The following KLHL32 variants were observed in gnomAD, a reference collection of about 807,000 sequenced individuals.
KLHL32 encodes kelch-like protein 32.
Under a neutral mutation model 64.8 loss-of-function variants are expected in KLHL32, and 35 were observed. The ratio of observed to expected loss-of-function variants is 0.54; its 90% CI spans 0.41 to 0.72. KLHL32 has a LOEUF of 0.72. KLHL32 is among the 30% of genes least tolerant of loss of function. The probability of loss-of-function intolerance (pLI) is 0.00; values close to 1 mark genes in which losing one functional copy is unlikely to be tolerated. For missense variants in KLHL32, 589 were observed against 768.5 expected, an observed-to-expected ratio of 0.77 and a Z score of 2.76; for synonymous variants, 259 against 281.0, an observed-to-expected ratio of 0.92 and a Z score of 0.78.
At chr6:97,058,978 A>G (rs1228248716) in intron 4 of KLHL32, among the ~76,000 whole-genome samples, 1 of 152,210 alleles carries the variant, frequency 6.6e-6, no homozygotes, top group Non-Finnish European at 1.5e-5. Flanking sequence ...AGACATCATT[A>G]TTTTCACTGT....
rs147506792 is a variant in KLHL32, at chr6:97,030,344, C to T, written c.205-11148C>T. On this transcript the variant is annotated intron_variant, in intron 3 of 10. Coordinates refer to ENST00000369261, the MANE Select transcript of KLHL32 (RefSeq NM_052904.4). ...TGACAAGTAACATGACTCAAGAAAA[C>T]GTCACATACTGTGATTTTAGGACTC... Among the ~76,000 whole-genome samples, 341 of 152,288 alleles carry T rather than the reference C, an allele frequency of 2.2e-3. 1 individual carries two copies. Among genetic ancestry groups the T allele is most frequent in the African/African-American group, 7.7e-3 (322 of 41,560 alleles).
At chr6:97,089,778 T>A (rs1342558387) in intron 6 of KLHL32, among the ~76,000 whole-genome samples, 3 of 136,284 alleles carry the variant, frequency 2.2e-5, no homozygotes, top group Admixed American at 7.4e-5. Flanking sequence ...AAACTCCAGC[T>A]AAAAAAAAAA....
In KLHL32 at chr6:97,095,565, T is replaced by C. The variant is rs570238787; in HGVS notation, c.627+10224T>C. ...CTGGGAAATCCTGTTTTCGACCCCA[T>C]GTGTAGTCAGTATCCTGAAGCCACT... On this transcript the variant is annotated intron_variant, in intron 6 of 10. Transcript: ENST00000369261. 2.6e-5 allele frequency among the ~76,000 whole-genome samples: 4 copies of C among 152,322 alleles called. No homozygotes were observed. In the South Asian group the frequency reaches 8.3e-4, roughly 32 times the overall value.
chr6:97,094,768 T>C (rs1381629616), intron 6 of KLHL32, among the ~76,000 whole-genome samples: 2 of 152,204 alleles, frequency 1.3e-5, no homozygotes, highest in East Asian at 3.8e-4. Flanking sequence ...TCAGTATTGG[T>C]AAGTGGCACG....
intron 5 of KLHL32, among the ~76,000 whole-genome samples, chr6:97,067,005 G>T (rs1463938023): frequency 1.3e-5 from 2 of 152,058 alleles, no homozygotes; most frequent in African/African-American, 2.4e-5. Context: ...TTTTGAAACC[G>T]CTCTCTTCAC....
intron 5 of KLHL32, among the ~76,000 whole-genome samples, chr6:97,084,597 A>G (rs767857159): frequency 3.3e-5 from 5 of 152,238 alleles, no homozygotes; most frequent in Admixed American, 6.5e-5. Context: ...GAGACCTTGT[A>G]TATAAAACTC....
chr6:97,001,420 GAGAA>G (rs925699545), intron 3 of KLHL32, among the ~76,000 whole-genome samples: 5 of 152,058 alleles, frequency 3.3e-5, no homozygotes, highest in African/African-American at 1.2e-4. Flanking sequence ...TATTGTTTTC[GAGAA>G]AGGTGGCCTT....
chr6:97,041,556 GC>G lies in KLHL32; in HGVS notation c.271del (p.Gly92AlafsTer2). ...GAGGTTAATTTGCACGGTGTGACCA[GC>G]CTTGGCTTAAAGCAGGCTCTGGAGT... ...ADEVNLHGVT[S>X]LGLKQALEFA... On this transcript the variant is annotated frameshift_variant, in exon 4 of 11. Transcript: ENST00000369261. LOFTEE classifies it high-confidence loss of function. 2.5e-6 allele frequency: 4 copies of G among 1,613,908 alleles called. No individual in the cohort carries two copies. Among genetic ancestry groups the G allele is most frequent in the Non-Finnish European group, 3.4e-6 (4 of 1,179,808 alleles).
chr6:96,920,893 G>C (rs2127981765), upstream of KLHL32, among the ~76,000 whole-genome samples: 1 of 152,026 alleles, frequency 6.6e-6, no homozygotes, highest in East Asian at 1.9e-4. Flanking sequence ...GGTAACCCTA[G>C]GATGAATTCT....
rs1582539488 is a variant in KLHL32, at chr6:96,974,078, T to A, written c.24-1919T>A. ...AGGAATTACATTGTTATATTCTTGGTGATAGGTTCTCAAAATACCGGATCT... is the reference window on the plus strand; with the variant it reads ...AGGAATTACATTGTTATATTCTTGGAGATAGGTTCTCAAAATACCGGATCT... On this transcript the variant is annotated intron_variant, in intron 2 of 10. Coordinates refer to ENST00000369261, the MANE Select transcript of KLHL32 (RefSeq NM_052904.4). 2.6e-5 allele frequency among the ~76,000 whole-genome samples: 4 copies of A among 152,046 alleles called. No individual in the cohort carries two copies. In the South Asian group the frequency reaches 8.3e-4, roughly 32 times the overall value.
chr6:97,070,443 G>A (rs913564300), intron 5 of KLHL32, among the ~76,000 whole-genome samples: 7 of 152,080 alleles, frequency 4.6e-5, no homozygotes, highest in African/African-American at 1.7e-4. Flanking sequence ...AGCCATTTTA[G>A]GGTCCCAATT....
chr6:97,126,520 C>T (rs765004514), intron 7 of KLHL32, among the ~76,000 whole-genome samples: 3 of 151,950 alleles, frequency 2.0e-5, no homozygotes, highest in African/African-American at 7.2e-5. Context: ...AGGTGGGTCT[C>T]AGGTCTCTTA....
chr6:96,981,157 G>T (rs1776261713), intron 3 of KLHL32, among the ~76,000 whole-genome samples: 1 of 152,150 alleles, frequency 6.6e-6, no homozygotes, highest in African/African-American at 2.4e-5. Flanking sequence ...GATTATGAAA[G>T]CTACAGTTCA....
chr6:97,123,558 G>T (rs1036533346), intron 7 of KLHL32, among the ~76,000 whole-genome samples: 1 of 151,998 alleles, frequency 6.6e-6, no homozygotes, highest in Non-Finnish European at 1.5e-5. Flanking sequence ...TTTCAATTTT[G>T]GCTGAAAAGT....
chr6:97,010,396 C>T (rs1229186765), intron 3 of KLHL32: 2 of 152,110 alleles, frequency 1.3e-5, no homozygotes, highest in Non-Finnish European at 2.9e-5. Context: ...TAGCTGAATA[C>T]CCAGCCCTGG....
upstream of KLHL32, among the ~76,000 whole-genome samples, chr6:96,921,158 A>G (rs1388461895): frequency 6.6e-6 from 1 of 152,094 alleles, no homozygotes; most frequent in Non-Finnish European, 1.5e-5. Context: ...ATTTTGTTGA[A>G]CCTATTTAAT....
At chr6:96,911,790 A>G in the KLHL32 span, among the ~76,000 whole-genome samples, 6 of 95,476 alleles carry the variant, frequency 6.3e-5, no homozygotes, top group African/African-American at 1.7e-4. Flanking sequence ...CTTTTGAAAT[A>G]TTCTTTTTCC....
At chr6:97,044,785 C>A (rs1397985194) in intron 4 of KLHL32, among the ~76,000 whole-genome samples, 3 of 151,794 alleles carry the variant, frequency 2.0e-5, no homozygotes, top group African/African-American at 7.3e-5. Context: ...CTAGATTATC[C>A]AATTTTTTGG....
At chr6:97,139,084 C>A (rs570671549) in intron 10 of KLHL32, 37 bp from the exon 11 acceptor site, 43 of 1,580,764 alleles carry the variant, frequency 2.7e-5, no homozygotes, top group Non-Finnish European at 3.3e-5. Context: ...GAGCAGTCAT[C>A]TTTGATACAC....
Sources: gnomAD v4.1 joint callset for allele counts (sites outside exome capture counted in the v4.1 genomes callset) on GRCh38, gnomAD v4.1.1 for gene constraint, MANE v1.5 for transcripts, NCBI Gene and HGNC (gene_info 2026-07-23, HGNC 2026-07-21) for gene names.